DIAPH3: variants seen among roughly 807,000 people sequenced by gnomAD.
DIAPH3 encodes protein diaphanous homolog 3.
A neutral mutation model predicts 144.3 loss-of-function variants in DIAPH3; 117 were observed. The ratio of observed to expected loss-of-function variants is 0.81; its 90% CI spans 0.70 to 0.95. The LOEUF is 0.95. Ranked by LOEUF, DIAPH3 falls within the 40% of genes least tolerant of loss-of-function variation. The probability of loss-of-function intolerance (pLI) is 0.00; values close to 1 mark genes in which losing one functional copy is unlikely to be tolerated. For missense variants in DIAPH3, 1,421 were observed against 1,412.7 expected (o/e 1.01, Z -0.09); for synonymous variants, 519 against 488.9 (o/e 1.06, Z -0.81).
rs909164622 is a variant in DIAPH3, at chr13:59,879,441, G to A, written c.2395C>T (p.Arg799Trp). 2.7e-5 allele frequency: 43 copies of A among 1,613,562 alleles called. No individual in the cohort carries two copies. Among genetic ancestry groups the A allele is most frequent in the Non-Finnish European group, 3.1e-5 (37 of 1,179,770 alleles). The change falls in exon 21 of 28, where the codon CGG (arginine) becomes TGG (tryptophan). Residue 799 changes from arginine (R) to tryptophan (W), a missense_variant. Coordinates refer to ENST00000400324, the MANE Select transcript of DIAPH3 (RefSeq NM_001042517.2). ...AGCTTAAAGAGAATAGCACTGAGCC[G>A]TGGCCGTAGTCTCTTCACATTGCTC... is the stretch of plus-strand genomic sequence containing the variant. ...VMSNVKRLRP[R>W]LSAILFKLQF... is the part of the protein sequence containing the mutation.
chr13:59,916,149 GT>G lies in DIAPH3; in HGVS notation c.2265+5del, dbSNP rs2047208018. 5.0e-6 allele frequency: 8 copies of G among 1,609,962 alleles called. No homozygotes were observed. The highest frequency in any genetic ancestry group is 6.8e-6 in the Non-Finnish European group (8 of 1,176,562). On this transcript the variant is annotated splice_donor_5th_base_variant and intron_variant, in intron 19 of 27. Transcript: ENST00000400324. ...ATTGAAATTTAAGCTGTGCCTGTTT[GT>G]TTACCTGAATCATAGACTCTGCCAA...
At chr13:60,021,229 G>C (rs892779118) in intron 5 of DIAPH3, among the ~76,000 whole-genome samples, 1 of 152,242 alleles carries the variant, frequency 6.6e-6, no homozygotes, top group Non-Finnish European at 1.5e-5. Context: ...ATGATTTTAA[G>C]ATAGGAAAAT....
chr13:59,940,218 T>G (rs989456162), intron 17 of DIAPH3, among the ~76,000 whole-genome samples: 1 of 152,108 alleles, frequency 6.6e-6, no homozygotes, highest in African/African-American at 2.4e-5. Context: ...GTATTAGAAA[T>G]CTCACTTTAA....
At chr13:59,861,347 T>C (rs573496524) in intron 22 of DIAPH3, 60 bp downstream of exon 22, 1 of 1,612,262 alleles carries the variant, frequency 6.2e-7, no homozygotes, top group African/African-American at 1.3e-5. Context: ...AAAGGTATAA[T>C]TTTCAGTCTT....
At chr13:59,916,783 G>A (rs910352216) in intron 18 of DIAPH3, among the ~76,000 whole-genome samples, 1 of 152,086 alleles carries the variant, frequency 6.6e-6, no homozygotes, top group Non-Finnish European at 1.5e-5. Context: ...TAAACAGTAT[G>A]CTAGGGAAAC....
At chr13:60,157,351 T>C (rs1952082858) in intron 1 of DIAPH3, among the ~76,000 whole-genome samples, 1 of 152,234 alleles carries the variant, frequency 6.6e-6, no homozygotes. Flanking sequence ...CATCACATCC[T>C]GACTATGGCC....
chr13:59,690,178 CT>C (rs2033431367), intron 27 of DIAPH3, among the ~76,000 whole-genome samples: 1 of 152,078 alleles, frequency 6.6e-6, no homozygotes, highest in African/African-American at 2.4e-5. Flanking sequence ...AAAATTCAGT[CT>C]AATTTCATTT....
chr13:59,818,207 C>G (rs2040881036), intron 24 of DIAPH3, among the ~76,000 whole-genome samples: 1 of 151,744 alleles, frequency 6.6e-6, no homozygotes. Context: ...TATTTACTAT[C>G]TGGCTATTTA....
chr13:59,719,843 G>A (rs1288947589), intron 27 of DIAPH3, among the ~76,000 whole-genome samples: 1 of 152,128 alleles, frequency 6.6e-6, no homozygotes, highest in African/African-American at 2.4e-5. Flanking sequence ...AGTCTGTGAT[G>A]ACATTGTGGA....
intron 17 of DIAPH3, among the ~76,000 whole-genome samples, chr13:59,926,305 A>C (rs532541991): frequency 6.6e-6 from 1 of 151,742 alleles, no homozygotes; most frequent in Non-Finnish European, 1.5e-5. Context: ...TTCTTTTTTT[A>C]TCTGTTTCAT....
intron 17 of DIAPH3, among the ~76,000 whole-genome samples, chr13:59,960,558 C>T (rs1357129599): frequency 1.3e-5 from 2 of 152,148 alleles, no homozygotes; most frequent in East Asian, 3.8e-4. Context: ...ATTTGCCTAT[C>T]AAATAAAGGC....
At chr13:60,129,459 A>G (rs9317101) in intron 2 of DIAPH3, among the ~76,000 whole-genome samples, 1 of 152,010 alleles carries the variant, frequency 6.6e-6, no homozygotes, top group South Asian at 2.1e-4. Flanking sequence ...CTTTAACAAG[A>G]CAGTGAAATT....
At chr13:60,044,122 A>G (rs372379469) in intron 4 of DIAPH3, 1 of 152,218 alleles carries the variant, frequency 6.6e-6, no homozygotes, top group South Asian at 2.1e-4. Flanking sequence ...GAAGGTATCT[A>G]TATAGCCTAG....
chr13:60,073,134 C>T (rs2057269981), intron 4 of DIAPH3, among the ~76,000 whole-genome samples: 1 of 151,968 alleles, frequency 6.6e-6, no homozygotes, highest in Non-Finnish European at 1.5e-5. Flanking sequence ...CATGGCAAAA[C>T]CCCATCTCTA....
intron 27 of DIAPH3, among the ~76,000 whole-genome samples, chr13:59,773,617 C>T (rs898667819): frequency 6.6e-6 from 1 of 152,158 alleles, no homozygotes; most frequent in African/African-American, 2.4e-5. Context: ...GAGTTCTATG[C>T]GGTTGGGCAT....
At chr13:60,160,027 C>T (rs976587730) in intron 1 of DIAPH3, among the ~76,000 whole-genome samples, 1 of 152,096 alleles carries the variant, frequency 6.6e-6, no homozygotes, top group Non-Finnish European at 1.5e-5. Flanking sequence ...AGTTCGAGAC[C>T]ATCCTGGTTA....
chr13:60,046,401 T>C (rs1259097416), intron 4 of DIAPH3, among the ~76,000 whole-genome samples: 7 of 152,182 alleles, frequency 4.6e-5, no homozygotes, highest in East Asian at 3.9e-4. Flanking sequence ...ATTAGAGAAA[T>C]GCAAATCAAA....
chr13:59,803,507 G>C (rs2040044403), intron 25 of DIAPH3, among the ~76,000 whole-genome samples: 1 of 152,118 alleles, frequency 6.6e-6, no homozygotes, highest in African/African-American at 2.4e-5. Flanking sequence ...AAACTAATTA[G>C]CATGAGGATA....
intron 14 of DIAPH3, among the ~76,000 whole-genome samples, chr13:59,978,758 T>C (rs2050816032): frequency 6.6e-6 from 1 of 151,602 alleles, no homozygotes; most frequent in African/African-American, 2.4e-5. Context: ...ATGATAGCCT[T>C]CTCCAAAAAG....
Sources: allele counts gnomAD v4.1 joint callset (sites outside exome capture counted in the v4.1 genomes callset), GRCh38; gene constraint gnomAD v4.1.1; transcripts MANE v1.5; gene names NCBI Gene and HGNC (gene_info 2026-07-23, HGNC 2026-07-21).